WDR70: variants seen among roughly 807,000 people sequenced by gnomAD.
The protein encoded by WDR70 is WD repeat-containing protein 70.
WDR70 carries 53 observed loss-of-function variants against 88.6 expected under a neutral mutation model. The ratio of observed to expected loss-of-function variants is 0.60; its 90% confidence interval spans 0.48 to 0.75. The LOEUF (loss-of-function observed/expected upper bound fraction) is 0.75. Among genes scored for constraint, WDR70 ranks in the 30% least tolerant of loss-of-function variants. WDR70 has a pLI of 0.00. For missense variants in WDR70, 610 were observed against 823.2 expected (o/e 0.74, Z 3.17); for synonymous variants, 280 against 270.0 (o/e 1.04, Z -0.36).
intron 8 of WDR70, among the ~76,000 whole-genome samples, chr5:37,487,628 T>TATATATATATA (rs1491104958): frequency 4.0e-4 from 2 of 5,016 alleles, no homozygotes; most frequent in African/African-American, 7.6e-4. Flanking sequence ...TATATATGTA[T>TATATATATATA]TTTTTTTTTT....
At chr5:37,736,764 A>G (rs1748317740) in intron 17 of WDR70, among the ~76,000 whole-genome samples, 1 of 152,024 alleles carries the variant, frequency 6.6e-6, no homozygotes, top group African/African-American at 2.4e-5. Context: ...TGTTTTGCAC[A>G]CTTATGTTTG....
At position 37,706,529 on chromosome 5, in the gene WDR70, T is replaced by C. The variant is rs371165418; in HGVS notation, c.1416+3442T>C. 6.3e-4 allele frequency among the ~76,000 whole-genome samples: 96 copies of C among 152,278 alleles called. 2 individuals are homozygous for C. The East Asian group carries it at 0.015, about 24-fold the overall frequency. Reference sequence around the variant, plus strand: ...TCATGAGATCTGATGGTTTTATAAATGGGAGTTCCCCTGCACCTGCTCTCT... The same window carrying C: ...TCATGAGATCTGATGGTTTTATAAACGGGAGTTCCCCTGCACCTGCTCTCT... On this transcript the variant is annotated intron_variant, in intron 13 of 17. Transcript: ENST00000265107.
At chr5:37,601,438 T>C (rs1743878574) in intron 9 of WDR70, among the ~76,000 whole-genome samples, 1 of 152,366 alleles carries the variant, frequency 6.6e-6, no homozygotes, top group Middle Eastern at 3.4e-3. Flanking sequence ...ATTTTTGTGA[T>C]GATTCTTGCA....
intron 7 of WDR70, among the ~76,000 whole-genome samples, chr5:37,453,067 G>A (rs1483409473): frequency 2.6e-5 from 4 of 152,214 alleles, no homozygotes; most frequent in African/African-American, 4.8e-5. Flanking sequence ...TGGTCTACCA[G>A]TATAAAAATT....
chr5:37,752,465 C>T, intron 17 of WDR70, 21 bp from the exon 18 acceptor site: 1 of 1,588,034 alleles, frequency 6.3e-7, no homozygotes, highest in Non-Finnish European at 8.6e-7. Context: ...TTTTCCTTCT[C>T]TTCTTTAACT....
intron 13 of WDR70, among the ~76,000 whole-genome samples, chr5:37,704,759 A>G (rs916386100): frequency 3.3e-5 from 5 of 152,220 alleles, no homozygotes; most frequent in African/African-American, 1.2e-4. Flanking sequence ...AGTAAGGCAT[A>G]TTGTAGATCA....
rs1234408400 is a variant in WDR70 at position 37,381,531 on chromosome 5, A to C, written c.92-71A>C. The C allele has an allele frequency of 2.7e-5, 31 of 1,168,692 alleles. No individual in the cohort carries two copies. In the South Asian group the frequency reaches 3.2e-4, roughly 12 times the overall value. The allele number at this position is 1,168,692 out of a possible 1,614,324, so 72.4% of individuals were successfully genotyped here. A position where few individuals can be genotyped will look rare whatever the true frequency, so the allele number is the denominator to read the frequency against. On this transcript the variant is annotated intron_variant, in intron 2 of 17. Coordinates refer to ENST00000265107, the MANE Select transcript of WDR70 (RefSeq NM_018034.4). ...TAGACAAAGTAAGTGTTTATTGATC[A>C]GTATTGATCACCTAAAGTTTGGCCA...
chr5:37,605,317 T>G, intron 10 of WDR70, 79 bp downstream of exon 10: 2 of 1,435,710 alleles, frequency 1.4e-6, no homozygotes, highest in African/African-American at 1.4e-5. Flanking sequence ...GACAAACGTG[T>G]TAAAGTATTA....
At chr5:37,473,085 G>A (rs12516086) in intron 7 of WDR70, among the ~76,000 whole-genome samples, 39,660 of 151,632 alleles carry the variant, frequency 0.26, 5,836 homozygotes, top group East Asian at 0.48. Flanking sequence ...TAGTGGGTGG[G>A]TATAAAATGA....
intron 8 of WDR70, 90 bp downstream of exon 8, chr5:37,480,077 AG>A: frequency 6.8e-7 from 1 of 1,470,084 alleles, no homozygotes; most frequent in Non-Finnish European, 9.2e-7. Context: ...TTTCCCCAAA[AG>A]TTAGTGTCAT....
intron 8 of WDR70, among the ~76,000 whole-genome samples, chr5:37,512,997 G>T (rs1025469091): frequency 3.3e-5 from 5 of 152,032 alleles, no homozygotes; most frequent in African/African-American, 1.2e-4. Context: ...CCACTTACAG[G>T]GTAGATAGTT....
chr5:37,718,366 C>T (rs1004017713), intron 13 of WDR70, among the ~76,000 whole-genome samples: 2 of 152,134 alleles, frequency 1.3e-5, no homozygotes, highest in African/African-American at 2.4e-5. Context: ...TGGAATTTAT[C>T]AGGCCTACAT....
At chr5:37,611,399 G>T (rs1023495807) in intron 10 of WDR70, among the ~76,000 whole-genome samples, 1 of 151,892 alleles carries the variant, frequency 6.6e-6, no homozygotes, top group Non-Finnish European at 1.5e-5. Context: ...CTATGTATGT[G>T]TACTAAGCTA....
intron 8 of WDR70, among the ~76,000 whole-genome samples, chr5:37,503,246 CTT>C (rs1425978324): frequency 7.0e-6 from 1 of 143,028 alleles, no homozygotes; most frequent in Non-Finnish European, 1.6e-5. Context: ...TTTTCTCAAT[CTT>C]TTCTTATCTT....
intron 10 of WDR70, among the ~76,000 whole-genome samples, chr5:37,662,117 C>A (rs1026626452): frequency 3.3e-5 from 5 of 152,184 alleles, no homozygotes; most frequent in African/African-American, 1.2e-4. Context: ...TAGGTCTGAT[C>A]TCTTTCACTG....
intron 17 of WDR70, among the ~76,000 whole-genome samples, chr5:37,747,153 G>C (rs539064538): frequency 2.6e-5 from 4 of 152,044 alleles, no homozygotes; most frequent in African/African-American, 9.6e-5. Context: ...CACATAAACA[G>C]ATCCAAAGAC....
At chr5:37,506,620 G>A in intron 8 of WDR70, 4 of 777,322 alleles carry the variant, frequency 5.1e-6, no homozygotes, top group Non-Finnish European at 7.2e-6. Flanking sequence ...AATCCTTCAG[G>A]AGGCTTAGAA....
chr5:37,543,201 T>G (rs1447858532), intron 9 of WDR70, among the ~76,000 whole-genome samples: 1 of 152,036 alleles, frequency 6.6e-6, no homozygotes, highest in Admixed American at 6.6e-5. Flanking sequence ...CACAGACATA[T>G]GAGTTAACCC....
intron 10 of WDR70, among the ~76,000 whole-genome samples, chr5:37,629,649 T>C (rs1160191534): frequency 6.6e-6 from 1 of 152,192 alleles, no homozygotes; most frequent in Non-Finnish European, 1.5e-5. Context: ...ATCCACCTCT[T>C]TCTTGAATTT....
Sources: allele counts gnomAD v4.1 joint callset (sites outside exome capture counted in the v4.1 genomes callset), GRCh38; gene constraint gnomAD v4.1.1; transcripts MANE v1.5; gene names NCBI Gene and HGNC (gene_info 2026-07-23, HGNC 2026-07-21).